SLC4A10: variants seen among roughly 807,000 people sequenced by gnomAD.
SLC4A10 encodes the protein solute carrier family 4 member 10, also known as sodium-driven chloride bicarbonate exchanger.
A neutral mutation model predicts 137.7 loss-of-function variants in SLC4A10; 42 were observed. The ratio of observed to expected loss-of-function variants is 0.30; its 90% CI spans 0.24 to 0.39. The LOEUF is 0.39. SLC4A10 is among the 10% of genes least tolerant of loss of function. The probability of loss-of-function intolerance (pLI) is 1.00; values close to 1 mark genes in which losing one functional copy is unlikely to be tolerated. For synonymous variants in SLC4A10, 474 were observed against 464.1 expected, an observed-to-expected ratio of 1.02 and a Z score of -0.27; for missense variants, 925 against 1,355.0, an observed-to-expected ratio of 0.68 and a Z score of 4.98.
At chr2:161,742,419 T>TTCTC (rs2047986894) in intron 1 of SLC4A10, among the ~76,000 whole-genome samples, 1 of 140,518 alleles carries the variant, frequency 7.1e-6, no homozygotes, top group Non-Finnish European at 1.5e-5. Context: ...TTCTTTTTTC[T>TTCTC]TTTCTTTCTT....
chr2:161,786,557 A>G (rs2053647843), intron 2 of SLC4A10, among the ~76,000 whole-genome samples: 4 of 149,866 alleles, frequency 2.7e-5, no homozygotes, highest in Admixed American at 6.6e-5. Flanking sequence ...ATTGTCCTAT[A>G]TTCTTTTATG....
At chr2:161,629,683 T>C (rs977136859) in intron 1 of SLC4A10, among the ~76,000 whole-genome samples, 6 of 151,870 alleles carry the variant, frequency 4.0e-5, no homozygotes, top group Admixed American at 3.3e-4. Context: ...GCCCTAAAGA[T>C]CCTCTGTGCT....
rs1575217431 is a variant in SLC4A10, at chr2:161,839,709, T to C, written c.278-80T>C. ...GGGTGGTGCGAGCTTGGGGTGGTGC[T>C]GAAGGCAGTGACTGGGACATTTTAA... is the stretch of plus-strand genomic sequence containing the variant. On this transcript the variant is annotated intron_variant, in intron 3 of 26. Transcript: ENST00000446997. 3 of 1,530,928 alleles carry C rather than the reference T, an allele frequency of 2.0e-6. No homozygotes were observed. In the East Asian group the frequency reaches 6.8e-5, roughly 35 times the overall value. 94.8% of individuals were successfully genotyped at this position (1,530,928 alleles called of 1,614,324 possible). A position where few individuals can be genotyped will look rare whatever the true frequency, so the allele number is the denominator to read the frequency against.
intron 21 of SLC4A10, among the ~76,000 whole-genome samples, chr2:161,963,658 A>G (rs1359442289): frequency 6.6e-6 from 1 of 152,186 alleles, no homozygotes; most frequent in African/African-American, 2.4e-5. Context: ...GAGCTAAGGC[A>G]GAGACGTAGG....
intron 1 of SLC4A10, among the ~76,000 whole-genome samples, chr2:161,666,961 G>C (rs2039117652): frequency 6.6e-6 from 1 of 151,620 alleles, no homozygotes; most frequent in Non-Finnish European, 1.5e-5. Context: ...TTAGTTTTAA[G>C]ATGTGAATGA....
intron 1 of SLC4A10, among the ~76,000 whole-genome samples, chr2:161,701,463 T>C (rs147080512): frequency 1.3e-5 from 2 of 152,112 alleles, no homozygotes; most frequent in African/African-American, 2.4e-5. Context: ...ATATAATAGT[T>C]GTACATAGTT....
At chr2:161,736,434 T>C (rs2047350289) in intron 1 of SLC4A10, among the ~76,000 whole-genome samples, 1 of 152,088 alleles carries the variant, frequency 6.6e-6, no homozygotes, top group South Asian at 2.1e-4. Context: ...AAATCTGAGA[T>C]TGGGTAATTT....
rs963348830 is a variant in SLC4A10 at position 161,957,042 on chromosome 2, A to G, written c.2595A>G (p.Val865=). ...DLLMVAVMLG[V]CSIMGLPWFV... ...TAATGGTGGCTGTCATGCTCGGTGTATGCTCCATCATGGGCCTGCCATGGT... is the reference window on the plus strand; with the variant it reads ...TAATGGTGGCTGTCATGCTCGGTGTGTGCTCCATCATGGGCCTGCCATGGT... The change falls in exon 20 of 27, where the codon GTA becomes GTG. Residue 865 remains valine, a synonymous_variant. Transcript: ENST00000446997. The G allele has an allele frequency of 2.0e-5, 32 of 1,610,244 alleles. No individual in the cohort carries two copies. The highest frequency in any genetic ancestry group is 2.6e-5 in the Non-Finnish European group (31 of 1,178,366).
intron 23 of SLC4A10, among the ~76,000 whole-genome samples, chr2:161,970,065 A>G (rs1000073176): frequency 5.9e-5 from 9 of 152,220 alleles, no homozygotes; most frequent in African/African-American, 2.2e-4. Context: ...GATGGGGCCA[A>G]CCATCTCTGT....
intron 1 of SLC4A10, among the ~76,000 whole-genome samples, chr2:161,716,842 G>A (rs2044965082): frequency 1.3e-5 from 2 of 152,032 alleles, no homozygotes; most frequent in African/African-American, 4.8e-5. Context: ...ATTCTGTGAA[G>A]AATGTCATTG....
chr2:161,637,069 A>G (rs1463665920), intron 1 of SLC4A10, among the ~76,000 whole-genome samples: 1 of 124,254 alleles, frequency 8.0e-6, no homozygotes, highest in Non-Finnish European at 1.8e-5. Context: ...ATATATCTAT[A>G]TACATAAATA....
intron 6 of SLC4A10, among the ~76,000 whole-genome samples, chr2:161,864,151 G>A (rs1192137687): frequency 6.6e-6 from 1 of 151,924 alleles, no homozygotes; most frequent in East Asian, 1.9e-4. Context: ...GCAGTGAGCC[G>A]AGATCGCGCC....
At chr2:161,949,378 A>G in intron 18 of SLC4A10, 117 bp downstream of exon 18, 3 of 622,070 alleles carry the variant, frequency 4.8e-6, no homozygotes, top group Non-Finnish European at 2.7e-6. Flanking sequence ...AGATTAGAAG[A>G]CCAGTAAATG....
chr2:161,822,431 G>T (rs761633783), intron 3 of SLC4A10, among the ~76,000 whole-genome samples: 1 of 152,140 alleles, frequency 6.6e-6, no homozygotes, highest in Non-Finnish European at 1.5e-5. Context: ...CTCACACTGG[G>T]TCAGTCTAAT....
chr2:161,961,433 T>C (rs1377134297), intron 21 of SLC4A10, among the ~76,000 whole-genome samples: 2 of 152,220 alleles, frequency 1.3e-5, no homozygotes, highest in Non-Finnish European at 1.5e-5. Flanking sequence ...CAAATTAGAT[T>C]TAATTTGCTC....
At position 161,976,756 on chromosome 2, in the gene SLC4A10, C is replaced by T. The variant is rs760693086; in HGVS notation, c.3228-4C>T. On this transcript the variant is annotated splice_polypyrimidine_tract_variant and splice_region_variant and intron_variant, in intron 24 of 26. Transcript: ENST00000446997. Reference sequence around the variant, plus strand: ...TTATTTCATTTGGGGAAACTCCTGTCTAGAGATGATCCATCTGTGATCAAT... The same window carrying T: ...TTATTTCATTTGGGGAAACTCCTGTTTAGAGATGATCCATCTGTGATCAAT... 2 of 1,512,890 alleles carry T rather than the reference C, an allele frequency of 1.3e-6. No homozygotes were observed. The highest frequency in any genetic ancestry group is 1.4e-5 in the African/African-American group (1 of 72,322). The allele number at this position is 1,512,890 out of a possible 1,614,324, so 93.7% of individuals were successfully genotyped here.
At chr2:161,756,076 A>G (rs937224400) in intron 1 of SLC4A10, among the ~76,000 whole-genome samples, 1 of 152,028 alleles carries the variant, frequency 6.6e-6, no homozygotes, top group Non-Finnish European at 1.5e-5. Context: ...GCCCCTTTAA[A>G]AAGTTTTCAA....
Position 161,947,502 on chromosome 2 carries a change from T to C in SLC4A10, c.2104-64T>C. The C allele has an allele frequency of 2.0e-6, 3 of 1,537,916 alleles. No individual in the cohort carries two copies. The South Asian group carries it at 3.8e-5, about 19-fold the overall frequency. On this transcript the variant is annotated intron_variant, in intron 16 of 26. Coordinates refer to ENST00000446997, the MANE Select transcript of SLC4A10 (RefSeq NM_001178015.2). ...ACTACAATTGATCAGAAGGTGTTAG[T>C]TTTCTGCAAGAAATGTGTCCGGTTT...
chr2:161,783,578 T>C (rs963232717), intron 2 of SLC4A10, among the ~76,000 whole-genome samples: 1 of 151,880 alleles, frequency 6.6e-6, no homozygotes, highest in African/African-American at 2.4e-5. Context: ...AGTAAAACTA[T>C]GTTAATAGAT....
Sources: gnomAD v4.1 joint callset for allele counts (sites outside exome capture counted in the v4.1 genomes callset) on GRCh38, gnomAD v4.1.1 for gene constraint, MANE v1.5 for transcripts, NCBI Gene and HGNC (gene_info 2026-07-23, HGNC 2026-07-21) for gene names.